The following CGNL1 variants were observed in gnomAD, a reference collection of about 807,000 sequenced individuals.
The protein encoded by CGNL1 is cingulin like 1.
CGNL1 carries 132 observed loss-of-function variants against 141.2 expected under a neutral mutation model. The ratio of observed to expected loss-of-function variants is 0.93; its 90% confidence interval spans 0.81 to 1.08. The LOEUF (loss-of-function observed/expected upper bound fraction) is 1.08, where lower values mean the gene tolerates loss of function less well. Among genes scored for constraint, CGNL1 ranks in the 50% least tolerant of loss-of-function variants. CGNL1 has a pLI of 0.00. For missense variants in CGNL1, 1,870 were observed against 1,588.6 expected, an observed-to-expected ratio of 1.18 and a Z score of -3.01; for synonymous variants, 690 against 622.1, an observed-to-expected ratio of 1.11 and a Z score of -1.63.
intron 8 of CGNL1, among the ~76,000 whole-genome samples, chr15:57,516,158 C>CAAAAAAAAA (rs10559176): frequency 3.7e-4 from 27 of 73,202 alleles, no homozygotes; most frequent in Non-Finnish European, 5.7e-4. Flanking sequence ...GACTCTGTCT[C>CAAAAAAAAA]AAAAAAAAAA....
chr15:57,443,886 C>T (rs1293812831), intron 4 of CGNL1, among the ~76,000 whole-genome samples: 1 of 152,190 alleles, frequency 6.6e-6, no homozygotes, highest in Non-Finnish European at 1.5e-5. Context: ...GTCTTGAACA[C>T]AGGGGCTTTG....
intron 8 of CGNL1, among the ~76,000 whole-genome samples, chr15:57,467,609 C>G (rs536146862): frequency 6.0e-5 from 9 of 151,248 alleles, no homozygotes; most frequent in African/African-American, 1.9e-4. Flanking sequence ...CGTTTTAACA[C>G]TCTATATTAA....
chr15:57,380,655 C>T (rs547948055), intron 1 of CGNL1, among the ~76,000 whole-genome samples: 1 of 152,024 alleles, frequency 6.6e-6, no homozygotes, highest in Non-Finnish European at 1.5e-5. Context: ...ACTCCAGGAG[C>T]GAGAAGGGTG....
At chr15:57,424,474 A>G (rs1413432688) in intron 1 of CGNL1, among the ~76,000 whole-genome samples, 1 of 152,222 alleles carries the variant, frequency 6.6e-6, no homozygotes, top group Non-Finnish European at 1.5e-5. Flanking sequence ...TAACTGCTGT[A>G]GAAGAGTGAC....
chr15:57,500,938 C>A (rs2064015180), intron 8 of CGNL1, among the ~76,000 whole-genome samples: 1 of 152,146 alleles, frequency 6.6e-6, no homozygotes, highest in African/African-American at 2.4e-5. Flanking sequence ...GGCCAGCTAA[C>A]AATAGTTGAT....
At chr15:57,379,945 C>T (rs1283282181) in intron 1 of CGNL1, among the ~76,000 whole-genome samples, 1 of 152,178 alleles carries the variant, frequency 6.6e-6, no homozygotes, top group Non-Finnish European at 1.5e-5. Flanking sequence ...ATTGCAGCCC[C>T]CTGTACTTCT....
rs141334976 is a variant in CGNL1 at position 57,463,991 on chromosome 15, A to G, written c.2403+2099A>G. Among the ~76,000 whole-genome samples the G allele has an allele frequency of 1.1e-3, 164 of 152,014 alleles. 1 individual carries two copies. The highest frequency in any genetic ancestry group is 7.7e-3 in the South Asian group (37 of 4,806). On this transcript the variant is annotated intron_variant, in intron 8 of 18. Transcript: ENST00000281282. ...TGGCCATTCTTCTACTGTAGTTTGTATCATACCCTATTATAATTTCTCATC... is the reference window on the plus strand; with the variant it reads ...TGGCCATTCTTCTACTGTAGTTTGTGTCATACCCTATTATAATTTCTCATC...
At chr15:57,537,177 G>A (rs2922215) in intron 14 of CGNL1, among the ~76,000 whole-genome samples, 69,261 of 152,018 alleles carry the variant, frequency 0.46, 16,302 homozygotes, top group African/African-American at 0.53. Context: ...GCCCAGTGGA[G>A]AGATGACTCA....
At chr15:57,472,555 G>A (rs182009714) in intron 8 of CGNL1, among the ~76,000 whole-genome samples, 10 of 152,276 alleles carry the variant, frequency 6.6e-5, no homozygotes, top group South Asian at 2.1e-4. Flanking sequence ...GGGATGATTC[G>A]TTCATGCTGA....
chr15:57,399,844 C>A (rs1170377241), intron 1 of CGNL1, among the ~76,000 whole-genome samples: 2 of 151,968 alleles, frequency 1.3e-5, no homozygotes, highest in Non-Finnish European at 2.9e-5. Flanking sequence ...TGGTGAGACC[C>A]CATCTCCATG....
chr15:57,436,764 G>T (rs1403400161), intron 1 of CGNL1, among the ~76,000 whole-genome samples: 1 of 152,036 alleles, frequency 6.6e-6, no homozygotes, highest in African/African-American at 2.4e-5. Flanking sequence ...ATAAATCCAG[G>T]AGCTAGTTCT....
chr15:57,420,547 A>G (rs1452936650), intron 1 of CGNL1, among the ~76,000 whole-genome samples: 2 of 152,164 alleles, frequency 1.3e-5, no homozygotes, highest in African/African-American at 4.8e-5. Flanking sequence ...ATTCCACTAT[A>G]CACATATAGT....
At chr15:57,489,370 G>T (rs192992613) in intron 8 of CGNL1, among the ~76,000 whole-genome samples, 287 of 152,284 alleles carry the variant, frequency 1.9e-3, no homozygotes, top group South Asian at 5.2e-3. Flanking sequence ...TCAGGTATGT[G>T]ATTCTGGTAA....
intron 8 of CGNL1, among the ~76,000 whole-genome samples, chr15:57,509,711 G>A (rs2030067439): frequency 6.6e-6 from 1 of 152,218 alleles, no homozygotes; most frequent in Non-Finnish European, 1.5e-5. Context: ...ATGGCTTGAT[G>A]GCAAAGAGTG....
At chr15:57,382,304 A>G (rs1159616699) in intron 1 of CGNL1, among the ~76,000 whole-genome samples, 2 of 152,214 alleles carry the variant, frequency 1.3e-5, no homozygotes, top group African/African-American at 4.8e-5. Flanking sequence ...CCCGAGAAGG[A>G]TCAGCTCCAA....
At chr15:57,468,813 GT>G (rs1455888426) in intron 8 of CGNL1, among the ~76,000 whole-genome samples, 2 of 152,220 alleles carry the variant, frequency 1.3e-5, no homozygotes, top group East Asian at 1.9e-4. Context: ...CATGGGGGTG[GT>G]TTCCCCCATA....
chr15:57,502,359 G>A (rs12915561), intron 8 of CGNL1, among the ~76,000 whole-genome samples: 61,963 of 152,040 alleles, frequency 0.41, 13,201 homozygotes, highest in Non-Finnish European at 0.47. Context: ...TTGAGAGGCA[G>A]TGTGTTTCCA....
chr15:57,479,516 T>C (rs369581712), intron 8 of CGNL1, among the ~76,000 whole-genome samples: 4 of 151,782 alleles, frequency 2.6e-5, no homozygotes, highest in East Asian at 3.9e-4. Context: ...ATACAAAAAT[T>C]AGCTGGGCAT....
intron 1 of CGNL1, among the ~76,000 whole-genome samples, chr15:57,401,251 A>G (rs2062657490): frequency 6.6e-6 from 1 of 152,212 alleles, no homozygotes; most frequent in Non-Finnish European, 1.5e-5. Context: ...AATACCTCAT[A>G]TATAAGTATT....
Sources: gnomAD v4.1 joint callset for allele counts (sites outside exome capture counted in the v4.1 genomes callset) on GRCh38, gnomAD v4.1.1 for gene constraint, MANE v1.5 for transcripts, NCBI Gene and HGNC (gene_info 2026-07-23, HGNC 2026-07-21) for gene names.